Variants in ROR1 observed in about 807,000 individuals in gnomAD.
ROR1 encodes inactive tyrosine-protein kinase transmembrane receptor ROR1.
In ROR1, 19 loss-of-function variants were observed where a neutral mutation model predicts 78.8. The ratio of observed to expected loss-of-function variants is 0.24; its 90% confidence interval spans 0.17 to 0.35. The LOEUF (loss-of-function observed/expected upper bound fraction) is 0.35, where lower values mean the gene tolerates loss of function less well. Among genes scored for constraint, ROR1 ranks in the 10% least tolerant of loss-of-function variants. The pLI is 1.00. For synonymous variants in ROR1, 386 were observed against 433.6 expected, an observed-to-expected ratio of 0.89 and a Z score of 1.36; for missense variants, 917 against 1,177.8, an observed-to-expected ratio of 0.78 and a Z score of 3.24.
At chr1:63,826,431 T>C (rs1386216500) in intron 1 of ROR1, among the ~76,000 whole-genome samples, 1 of 152,210 alleles carries the variant, frequency 6.6e-6, no homozygotes, top group Non-Finnish European at 1.5e-5. Flanking sequence ...TCTCATTCTT[T>C]TTTAGGGCTG....
At chr1:63,819,456 G>A (rs927104438) in intron 1 of ROR1, among the ~76,000 whole-genome samples, 1 of 152,120 alleles carries the variant, frequency 6.6e-6, no homozygotes, top group Non-Finnish European at 1.5e-5. Context: ...TCTTGAGCAA[G>A]TCACATAAGC....
At chr1:63,818,624 A>G (rs2100281411) in intron 1 of ROR1, among the ~76,000 whole-genome samples, 1 of 152,336 alleles carries the variant, frequency 6.6e-6, no homozygotes, top group South Asian at 2.1e-4. Flanking sequence ...TTTTAGGAAA[A>G]AGAGAAAATT....
rs1461635629 is a variant in ROR1 at position 63,774,793 on chromosome 1, T to C, written c.91+285T>C. Reference sequence around the variant, plus strand: ...GCGCTGACAGGAAGCGTGGAGGGGTTTGAGGGTCCTGGGGGTGATCGGGGC... The same window carrying C: ...GCGCTGACAGGAAGCGTGGAGGGGTCTGAGGGTCCTGGGGGTGATCGGGGC... On this transcript the variant is annotated intron_variant, in intron 1 of 8. Transcript: ENST00000371079. The surrounding 1 kb of genome is among the most constrained non-coding windows in gnomAD (Gnocchi z 5.7). Among the ~76,000 whole-genome samples, 1 of 151,958 alleles carries C rather than the reference T, an allele frequency of 6.6e-6. No individual in the cohort carries two copies. The highest frequency in any genetic ancestry group is 1.5e-5 in the Non-Finnish European group (1 of 67,948).
intron 1 of ROR1, among the ~76,000 whole-genome samples, chr1:63,900,165 A>G (rs1645473197): frequency 6.6e-6 from 1 of 152,216 alleles, no homozygotes; most frequent in Non-Finnish European, 1.5e-5. Context: ...TATAGAAAGG[A>G]AAAGTTGGCC....
chr1:64,163,218 TACAAACAC>T (rs1649993461), intron 8 of ROR1, among the ~76,000 whole-genome samples: 1 of 98,270 alleles, frequency 1.0e-5, no homozygotes, highest in Non-Finnish European at 2.0e-5. Flanking sequence ...ACCCCATCTC[TACAAACAC>T]ACACACACAC....
At chr1:64,140,764 C>T (rs894895840) in intron 6 of ROR1, among the ~76,000 whole-genome samples, 2 of 152,154 alleles carry the variant, frequency 1.3e-5, no homozygotes, top group African/African-American at 4.8e-5. Context: ...TATAACAACA[C>T]TATTTACAAT....
intron 1 of ROR1, among the ~76,000 whole-genome samples, chr1:63,848,191 G>C (rs576018067): frequency 6.6e-6 from 1 of 152,224 alleles, no homozygotes; most frequent in East Asian, 1.9e-4. Flanking sequence ...GTATTTAATG[G>C]CTAAAGCAGA....
intron 7 of ROR1, among the ~76,000 whole-genome samples, chr1:64,148,948 C>T (rs1017813584): frequency 2.6e-5 from 4 of 152,078 alleles, no homozygotes; most frequent in Non-Finnish European, 5.9e-5. Context: ...GTGTCTCAGA[C>T]CCTGTGAACA....
chr1:63,896,811 C>A (rs1047191629), intron 1 of ROR1, among the ~76,000 whole-genome samples: 2 of 152,178 alleles, frequency 1.3e-5, no homozygotes, highest in Non-Finnish European at 1.5e-5. Context: ...ATGCCTTGCA[C>A]ACCCACATCT....
chr1:63,788,247 G>T (rs547798336), intron 1 of ROR1, among the ~76,000 whole-genome samples: 2 of 152,142 alleles, frequency 1.3e-5, no homozygotes, highest in Non-Finnish European at 2.9e-5. Context: ...TTTTTCTGAT[G>T]AGAACATTTA....
At chr1:63,859,947 G>A (rs1385420748) in intron 1 of ROR1, among the ~76,000 whole-genome samples, 1 of 152,158 alleles carries the variant, frequency 6.6e-6, no homozygotes, top group Admixed American at 6.5e-5. Flanking sequence ...TGTGAGGTGT[G>A]TCTTGTTAAT....
chr1:64,108,395 TAAAAAAAAAAAAAAAAAAAAAAAA>T (rs556497678), intron 4 of ROR1: 2 of 48,260 alleles, frequency 4.1e-5, no homozygotes, highest in Non-Finnish European at 7.1e-5. Context: ...AGACTCCATC[TAAAAAAAAAAAAAAAAAAAAAAAA>T]AAAAAAAAAA....
chr1:63,908,246 G>A (rs998996355), intron 1 of ROR1, among the ~76,000 whole-genome samples: 12 of 152,148 alleles, frequency 7.9e-5, no homozygotes, highest in Admixed American at 1.3e-4. Context: ...CCTGAAGCAA[G>A]CTCCCTCTAA....
chr1:63,887,230 G>GA (rs949990925), intron 1 of ROR1, among the ~76,000 whole-genome samples: 1 of 151,476 alleles, frequency 6.6e-6, no homozygotes, highest in Non-Finnish European at 1.5e-5. Flanking sequence ...TGGGATGGGG[G>GA]GGTTTGGGGA....
intron 2 of ROR1, among the ~76,000 whole-genome samples, chr1:64,043,971 T>C (rs1056979427): frequency 2.6e-5 from 4 of 152,204 alleles, no homozygotes; most frequent in Non-Finnish European, 5.9e-5. Flanking sequence ...TTTCCATTGT[T>C]AATGGGAGAA....
At chr1:63,790,201 C>T (rs1375971501) in intron 1 of ROR1, among the ~76,000 whole-genome samples, 1 of 152,186 alleles carries the variant, frequency 6.6e-6, no homozygotes, top group African/African-American at 2.4e-5. Flanking sequence ...GTTGGATGCT[C>T]CTTACAGTAG....
intron 1 of ROR1, among the ~76,000 whole-genome samples, chr1:63,858,817 T>C (rs1426848351): frequency 2.6e-5 from 4 of 152,202 alleles, no homozygotes; most frequent in African/African-American, 9.7e-5. Flanking sequence ...GATGGTAATC[T>C]CTGTTATCTC....
At chr1:64,047,725 T>C (rs1264511273) in intron 2 of ROR1, among the ~76,000 whole-genome samples, 1 of 152,218 alleles carries the variant, frequency 6.6e-6, no homozygotes, top group African/African-American at 2.4e-5. Flanking sequence ...TAGGAACATA[T>C]GTGCTTATAT....
At chr1:64,044,502 A>G (rs1167774490) in intron 2 of ROR1, among the ~76,000 whole-genome samples, 1 of 152,226 alleles carries the variant, frequency 6.6e-6, no homozygotes, top group East Asian at 1.9e-4. Flanking sequence ...AGCCAATTGC[A>G]CTTAAGAATA....
Sources: allele counts gnomAD v4.1 joint callset (sites outside exome capture counted in the v4.1 genomes callset), GRCh38; gene constraint gnomAD v4.1.1; non-coding constraint Gnocchi (gnomAD v3.1); transcripts MANE v1.5; gene names NCBI Gene and HGNC (gene_info 2026-07-23, HGNC 2026-07-21).